The following PRKN variants were observed in gnomAD, a reference collection of about 807,000 sequenced individuals.
The protein encoded by PRKN is parkin RBR E3 ubiquitin protein ligase, also known as E3 ubiquitin-protein ligase parkin.
In PRKN, 56 loss-of-function variants were observed where a neutral mutation model predicts 59.5. That is an observed-to-expected ratio of 0.94 (90% confidence interval 0.76 to 1.18). The LOEUF (loss-of-function observed/expected upper bound fraction) is 1.18, where lower values mean the gene tolerates loss of function less well. Among genes scored for constraint, PRKN ranks in the 50% most tolerant of loss-of-function variants. The probability of loss-of-function intolerance (pLI) is 0.00; values close to 1 mark genes in which losing one functional copy is unlikely to be tolerated. For missense variants in PRKN, 657 were observed against 596.4 expected (o/e 1.10, Z -1.06); for synonymous variants, 250 against 222.1 (o/e 1.13, Z -1.12).
chr6:161,561,974 C>A lies in PRKN; in HGVS notation c.933+7381G>T, dbSNP rs1360797270. On this transcript the variant is annotated intron_variant, in intron 8 of 11. Transcript: ENST00000366898. This position sits in a 1 kb window ranked among gnomAD's most constrained non-coding sequence, Gnocchi z 5.0. Reference sequence around the variant, plus strand: ...CACAGTGTCACAGGCGAAGGACGCTCCCTGACCTCATCTTCTGCAAACTCT... The same window carrying A: ...CACAGTGTCACAGGCGAAGGACGCTACCTGACCTCATCTTCTGCAAACTCT... Among the ~76,000 whole-genome samples, 12 of 152,156 alleles carry A rather than the reference C, an allele frequency of 7.9e-5. No homozygotes were observed. The highest frequency in any genetic ancestry group is 7.9e-4 in the Admixed American group (12 of 15,280).
intron 2 of PRKN, among the ~76,000 whole-genome samples, chr6:162,398,176 A>T (rs1338474634): frequency 6.6e-6 from 1 of 152,210 alleles, no homozygotes; most frequent in Non-Finnish European, 1.5e-5. Context: ...TAAAAATCCC[A>T]GAGTGCTATG....
intron 2 of PRKN, among the ~76,000 whole-genome samples, chr6:162,283,169 C>T (rs1359991548): frequency 6.6e-6 from 1 of 152,132 alleles, no homozygotes; most frequent in African/African-American, 2.4e-5. Context: ...GCTACAAGCT[C>T]ATTTTACACA....
chr6:162,022,997 T>C (rs1783269108), intron 5 of PRKN, among the ~76,000 whole-genome samples: 1 of 152,164 alleles, frequency 6.6e-6, no homozygotes, highest in African/African-American at 2.4e-5. Context: ...GGTTCTCTAC[T>C]CTGCTCCATT....
At chr6:161,614,477 A>G (rs954749013) in intron 7 of PRKN, among the ~76,000 whole-genome samples, 1 of 152,240 alleles carries the variant, frequency 6.6e-6, no homozygotes, top group Non-Finnish European at 1.5e-5. Flanking sequence ...TGCATTAGTA[A>G]GCACATGTGC....
intron 9 of PRKN, among the ~76,000 whole-genome samples, chr6:161,512,562 T>C (rs894616429): frequency 1.4e-4 from 22 of 152,160 alleles, no homozygotes; most frequent in African/African-American, 5.3e-4. Flanking sequence ...GGTCACCATA[T>C]TGAACACACC....
chr6:161,702,382 C>T (rs374131854), intron 7 of PRKN, among the ~76,000 whole-genome samples: 60 of 152,240 alleles, frequency 3.9e-4, no homozygotes, highest in African/African-American at 1.4e-3. Context: ...TCTGACCCAG[C>T]CTATGACACA....
chr6:161,490,124 T>A (rs1777492570), intron 9 of PRKN, among the ~76,000 whole-genome samples: 1 of 152,130 alleles, frequency 6.6e-6, no homozygotes, highest in African/African-American at 2.4e-5. Flanking sequence ...ATTTTCCTCC[T>A]CTAGTCAAGT....
At chr6:162,347,707 A>T (rs1363148264) in intron 2 of PRKN, among the ~76,000 whole-genome samples, 2 of 152,152 alleles carry the variant, frequency 1.3e-5, no homozygotes, top group Non-Finnish European at 2.9e-5. Context: ...TTTCACTGAG[A>T]CAAATAGATT....
intron 2 of PRKN, among the ~76,000 whole-genome samples, chr6:162,420,269 G>A (rs1788891666): frequency 6.7e-6 from 1 of 150,084 alleles, no homozygotes; most frequent in Non-Finnish European, 1.5e-5. Flanking sequence ...TGGCGGGGAG[G>A]GGGGACTCCT....
intron 1 of PRKN, among the ~76,000 whole-genome samples, chr6:162,508,671 G>A (rs1793708556): frequency 6.6e-6 from 1 of 152,092 alleles, no homozygotes; most frequent in Non-Finnish European, 1.5e-5. Context: ...CTCTCTTTAA[G>A]GCCTCTCAGA....
chr6:162,028,521 G>A (rs938395845), intron 5 of PRKN, among the ~76,000 whole-genome samples: 17 of 152,166 alleles, frequency 1.1e-4, no homozygotes, highest in African/African-American at 2.9e-4. Flanking sequence ...GGAAACTTCC[G>A]GGCACGGAAA....
intron 3 of PRKN, among the ~76,000 whole-genome samples, chr6:162,214,953 A>T (rs1777573262): frequency 6.6e-6 from 1 of 152,178 alleles, no homozygotes; most frequent in Non-Finnish European, 1.5e-5. Context: ...GTAAGCAATA[A>T]ATATTCACCT....
rs148775699 is a variant in PRKN at position 162,178,858 on chromosome 6, AGTGTTT to A, written c.534+22267_534+22272del. On this transcript the variant is annotated intron_variant, in intron 4 of 11. Transcript: ENST00000366898. Reference sequence around the variant, plus strand: ...TGAATTGCATCATCTCTTCCTCATCAGTGTTTTCGCTTGTTTGCTTGTTTGTTTTGA... The same window carrying A: ...TGAATTGCATCATCTCTTCCTCATCATCGCTTGTTTGCTTGTTTGTTTTGA... 6.1e-3 allele frequency among the ~76,000 whole-genome samples: 929 copies of A among 151,908 alleles called. 9 individuals carry two copies. The highest frequency in any genetic ancestry group is 0.021 in the African/African-American group (881 of 41,382).
At chr6:161,759,697 T>C (rs1029860425) in intron 7 of PRKN, among the ~76,000 whole-genome samples, 13 of 152,328 alleles carry the variant, frequency 8.5e-5, no homozygotes, top group African/African-American at 3.1e-4. Context: ...AATTGCTAGA[T>C]CCTTCCACGC....
intron 1 of PRKN, among the ~76,000 whole-genome samples, chr6:162,472,592 A>G (rs1191754508): frequency 1.0e-4 from 13 of 129,230 alleles, no homozygotes; most frequent in African/African-American, 3.0e-4. Context: ...GGTTCACGCC[A>G]TTCTCCTGCC....
intron 2 of PRKN, among the ~76,000 whole-genome samples, chr6:162,301,789 G>A (rs796152028): frequency 2.0e-5 from 2 of 101,964 alleles, no homozygotes; most frequent in South Asian, 3.3e-4. Context: ...GGGGCGGGGG[G>A]GGGGTGCAGA....
chr6:162,125,778 T>C (rs1319101497), intron 4 of PRKN, among the ~76,000 whole-genome samples: 1 of 152,318 alleles, frequency 6.6e-6, no homozygotes, highest in South Asian at 2.1e-4. Flanking sequence ...AGATGATACA[T>C]GGCAGGTACT....
At position 162,316,810 on chromosome 6, in the gene PRKN, A is replaced by T. The variant is rs1232244755; in HGVS notation, c.172-54045T>A. 2.6e-5 allele frequency among the ~76,000 whole-genome samples: 4 copies of T among 152,306 alleles called. No individual in the cohort carries two copies. The East Asian group carries it at 5.8e-4, about 22-fold the overall frequency. ...CCTTTCTTTAAAAGGATCTCAGTAT[A>T]GTTAATGAAATAAGACATATTTATA... On this transcript the variant is annotated intron_variant, in intron 2 of 11. Transcript: ENST00000366898.
chr6:161,974,469 C>G (rs1239517839), intron 5 of PRKN, among the ~76,000 whole-genome samples: 3 of 152,140 alleles, frequency 2.0e-5, no homozygotes, highest in Admixed American at 1.3e-4. Context: ...ACATAGGTCA[C>G]GTTCTTTTGA....
Sources: allele counts gnomAD v4.1 joint callset (sites outside exome capture counted in the v4.1 genomes callset), GRCh38; gene constraint gnomAD v4.1.1; non-coding constraint Gnocchi (gnomAD v3.1); transcripts MANE v1.5; gene names NCBI Gene and HGNC (gene_info 2026-07-23, HGNC 2026-07-21).